Variants in PAK5 observed in about 807,000 individuals in gnomAD.
The protein encoded by PAK5 is serine/threonine-protein kinase PAK 5.
Under a neutral mutation model 65.9 loss-of-function variants are expected in PAK5, and 16 were observed. That is an observed-to-expected ratio of 0.24 (90% confidence interval 0.16 to 0.37). The LOEUF (loss-of-function observed/expected upper bound fraction) is 0.37, where lower values mean the gene tolerates loss of function less well. Among genes scored for constraint, PAK5 ranks in the 10% least tolerant of loss-of-function variants. The pLI is 1.00. For synonymous variants in PAK5, 371 were observed against 354.9 expected (o/e 1.05, Z -0.51); for missense variants, 785 against 903.9 (o/e 0.87, Z 1.69).
intron 1 of PAK5, among the ~76,000 whole-genome samples, chr20:9,793,774 C>T (rs751284332): frequency 6.6e-6 from 1 of 152,150 alleles, no homozygotes; most frequent in East Asian, 1.9e-4. Context: ...TGTGGCAATT[C>T]CTCAAAGATC....
intron 2 of PAK5, among the ~76,000 whole-genome samples, chr20:9,655,350 C>T (rs1388108075): frequency 6.6e-6 from 1 of 152,010 alleles, no homozygotes; most frequent in Non-Finnish European, 1.5e-5. Context: ...TATCCCTGCA[C>T]ACATCCTGAT....
intron 8 of PAK5, among the ~76,000 whole-genome samples, chr20:9,543,181 A>T (rs1298208573): frequency 6.6e-6 from 1 of 152,208 alleles, no homozygotes; most frequent in Non-Finnish European, 1.5e-5. Flanking sequence ...ATTTGCTTTT[A>T]AAAATAGCTC....
intron 3 of PAK5, among the ~76,000 whole-genome samples, chr20:9,617,549 CTTTT>C (rs532259417): frequency 3.2e-5 from 3 of 94,580 alleles, no homozygotes; most frequent in Non-Finnish European, 4.1e-5. Flanking sequence ...AATCCCAATC[CTTTT>C]TTTTTTTTTT....
intron 1 of PAK5, among the ~76,000 whole-genome samples, chr20:9,786,273 G>A (rs2048991618): frequency 6.6e-6 from 1 of 152,042 alleles, no homozygotes; most frequent in Non-Finnish European, 1.5e-5. Context: ...CAAGGAAGAA[G>A]TAGGCTGTGA....
At chr20:9,780,484 G>A (rs2123696547) in intron 1 of PAK5, among the ~76,000 whole-genome samples, 1 of 152,124 alleles carries the variant, frequency 6.6e-6, no homozygotes, top group South Asian at 2.1e-4. Context: ...ATGCTGAGAT[G>A]TTTATACCAT....
At chr20:9,799,959 AAAAAAAAT>A (rs1431184195) in intron 1 of PAK5, among the ~76,000 whole-genome samples, 1 of 150,762 alleles carries the variant, frequency 6.6e-6, no homozygotes, top group Non-Finnish European at 1.5e-5. Flanking sequence ...AAAAAAAAAA[AAAAAAAAT>A]GAAAGAAAGA....
chr20:9,640,770 C>T (rs2047046778), intron 3 of PAK5, among the ~76,000 whole-genome samples: 1 of 151,874 alleles, frequency 6.6e-6, no homozygotes, highest in Admixed American at 6.6e-5. Context: ...GTGAGTGTTA[C>T]AGCTCTTAAG....
intron 4 of PAK5, among the ~76,000 whole-genome samples, chr20:9,579,937 G>T (rs1467481359): frequency 1.3e-5 from 2 of 152,186 alleles, no homozygotes; most frequent in Admixed American, 6.5e-5. Flanking sequence ...GGGCCCAAAA[G>T]ATAGATTTTT....
At chr20:9,617,937 C>A (rs1180104458) in intron 3 of PAK5, among the ~76,000 whole-genome samples, 1 of 152,082 alleles carries the variant, frequency 6.6e-6, no homozygotes, top group Non-Finnish European at 1.5e-5. Context: ...GGTTTGTTGT[C>A]AAAGCATCAA....
intron 1 of PAK5, among the ~76,000 whole-genome samples, chr20:9,723,270 T>G (rs1303603223): frequency 6.6e-6 from 1 of 152,116 alleles, no homozygotes; most frequent in Non-Finnish European, 1.5e-5. Context: ...GTGGGAACAG[T>G]GAGACGTGGT....
At chr20:9,778,352 C>T (rs2048907188) in intron 1 of PAK5, among the ~76,000 whole-genome samples, 1 of 152,118 alleles carries the variant, frequency 6.6e-6, no homozygotes, top group Non-Finnish European at 1.5e-5. Flanking sequence ...ATTCTCTCAC[C>T]TCGGCCTCCC....
intron 1 of PAK5, among the ~76,000 whole-genome samples, chr20:9,806,209 G>C (rs920480029): frequency 6.6e-6 from 1 of 151,902 alleles, no homozygotes; most frequent in Non-Finnish European, 1.5e-5. Context: ...GGCTGGTCTC[G>C]AACTCCTGGC....
intron 3 of PAK5, among the ~76,000 whole-genome samples, chr20:9,594,259 A>G (rs2046225571): frequency 6.6e-6 from 1 of 152,236 alleles, no homozygotes; most frequent in Non-Finnish European, 1.5e-5. Context: ...AGCCCCATCC[A>G]GATCTACTGA....
Position 9,593,713 on chromosome 20 carries a change from G to A in PAK5, c.205-12783C>T, listed in dbSNP as rs1476593034. ...TGCTTTCCTTTTGCACCGCAGAAAC[G>A]CTAACTCTGCAACATTTCTTTCATT... On this transcript the variant is annotated intron_variant, in intron 3 of 9. Transcript: ENST00000353224. Among the ~76,000 whole-genome samples the A allele has an allele frequency of 2.0e-5, 3 of 152,180 alleles. No homozygotes were observed. The East Asian group carries it at 5.8e-4, about 29-fold the overall frequency.
intron 1 of PAK5, among the ~76,000 whole-genome samples, chr20:9,734,873 G>A (rs770506933): frequency 6.6e-6 from 1 of 152,180 alleles, no homozygotes; most frequent in Non-Finnish European, 1.5e-5. Flanking sequence ...TGGGATACAA[G>A]AGCCCCAGAA....
intron 2 of PAK5, among the ~76,000 whole-genome samples, chr20:9,695,794 C>T (rs775571623): frequency 1.8e-4 from 27 of 151,588 alleles, no homozygotes; most frequent in Non-Finnish European, 3.1e-4. Flanking sequence ...TGGTAACTCT[C>T]AAATTCTAAA....
intron 2 of PAK5, among the ~76,000 whole-genome samples, chr20:9,705,528 T>G (rs1439420565): frequency 1.3e-5 from 2 of 152,128 alleles, no homozygotes; most frequent in Non-Finnish European, 1.5e-5. Flanking sequence ...TGTTGTAAAA[T>G]CGATCATATG....
At chr20:9,783,657 G>A (rs1050097978) in intron 1 of PAK5, among the ~76,000 whole-genome samples, 1 of 152,140 alleles carries the variant, frequency 6.6e-6, no homozygotes, top group Non-Finnish European at 1.5e-5. Context: ...ATAATGTCTA[G>A]TGATATTTAT....
In PAK5 at chr20:9,598,373, G is replaced by A. The variant is rs1290157574; in HGVS notation, c.205-17443C>T. On this transcript the variant is annotated intron_variant, in intron 3 of 9. Transcript: ENST00000353224. The stretch of plus-strand genomic sequence containing the variant: ...CCAGTCTATCATTGATGGGTATTTG[G>A]CTTGATCCCGTGTCTTTGCTATTGC... Among the ~76,000 whole-genome samples the A allele has an allele frequency of 3.9e-5, 6 of 152,064 alleles. No individual in the cohort carries two copies. The East Asian group carries it at 1.2e-3, about 29-fold the overall frequency.
Sources: allele counts gnomAD v4.1 joint callset (sites outside exome capture counted in the v4.1 genomes callset), GRCh38; gene constraint gnomAD v4.1.1; transcripts MANE v1.5; gene names NCBI Gene and HGNC (gene_info 2026-07-23, HGNC 2026-07-21).